Variants in CDK5R1 observed in about 807,000 individuals in gnomAD.
The protein encoded by CDK5R1 is cyclin dependent kinase 5 regulatory subunit 1, also known as cyclin-dependent kinase 5 activator 1.
In CDK5R1, 1 loss-of-function variant was observed where a neutral mutation model predicts 19.0. The observed-to-expected ratio is 0.05, with a 90% CI of 0.02 to 0.25. The LOEUF is 0.25. CDK5R1 is among the 10% of genes least tolerant of loss of function. The pLI is 1.00. For synonymous variants in CDK5R1, 225 were observed against 187.7 expected, an observed-to-expected ratio of 1.20 and a Z score of -1.62; for missense variants, 314 against 401.0, an observed-to-expected ratio of 0.78 and a Z score of 1.85.
In CDK5R1 at chr17:32,487,907, C is replaced by T. The variant is rs1046388776; in HGVS notation, c.287C>T (p.Ser96Phe). ...AAGTCGCTGTCGTGCGCCAACCTGTCCACATTCGCCCAGCCCCCACCGGCC... is the reference window on the plus strand; with the variant it reads ...AAGTCGCTGTCGTGCGCCAACCTGTTCACATTCGCCCAGCCCCCACCGGCC... ...LKKSLSCANL[S>F]TFAQPPPAQP... is the part of the protein sequence containing the mutation. Residue 96 changes from serine to phenylalanine, a missense_variant, in exon 2 of 2, where the codon TCC becomes TTC. Physicochemically the swap from Ser to Phe is radical, Grantham distance 155. Transcript: ENST00000313401. This position sits in a 1 kb window ranked among gnomAD's most constrained non-coding sequence, Gnocchi z 7.9. 1 of 1,613,690 alleles carries T rather than the reference C, an allele frequency of 6.2e-7. No individual in the cohort carries two copies.
Position 32,488,634 on chromosome 17 carries a change from A to T in CDK5R1, c.*90A>T. On this transcript the variant is annotated 3_prime_UTR_variant, in exon 2 of 2. Transcript: ENST00000313401. ...TTTTGTGTACAGTATGTGTCTAGCA[A>T]AGCCACCAAGGGCCTCACCTTTCCC... 6.4e-7 allele frequency: 1 copy of T among 1,567,516 alleles called. No individual in the cohort carries two copies. The highest frequency in any genetic ancestry group is 8.6e-7 in the Non-Finnish European group (1 of 1,156,738).
rs1908800849 is a variant in CDK5R1 at position 32,489,606 on chromosome 17, AGAC to A, written c.*1063_*1065del. ...AAGCCTTGCCCAGCAAGGACCAGTGAGACAGCCGGATCTTGGAGACAATTACAA... is the reference window on the plus strand; with the variant it reads ...AAGCCTTGCCCAGCAAGGACCAGTGAAGCCGGATCTTGGAGACAATTACAA... On this transcript the variant is annotated 3_prime_UTR_variant, in exon 2 of 2. Transcript: ENST00000313401. 1 of 175,336 alleles carries A rather than the reference AGAC, an allele frequency of 5.7e-6. No homozygotes were observed. The highest frequency in any genetic ancestry group is 6.3e-5 in the Admixed American group (1 of 15,920). 10.9% of individuals were successfully genotyped at this position (175,336 alleles called of 1,614,324 possible).
chr17:32,487,944 A>T lies in CDK5R1; in HGVS notation c.324A>T (p.Ala108=), dbSNP rs201546266. The T allele has an allele frequency of 6.2e-7, 1 of 1,613,046 alleles. No individual in the cohort carries two copies. The highest frequency in any genetic ancestry group is 1.7e-5 in the Admixed American group (1 of 59,994). The stretch of plus-strand genomic sequence containing the variant: ...AGCCCCCACCGGCCCAGCCGCCTGC[A>T]CCCCCGGCCAGCCAGCTCTCGGGTT... ...FAQPPPAQPP[A]PPASQLSGSQ... Residue 108 remains alanine, a synonymous_variant, in exon 2 of 2, where the codon GCA becomes GCT. Transcript: ENST00000313401. This position sits in a 1 kb window ranked among gnomAD's most constrained non-coding sequence, Gnocchi z 7.9.
At position 32,487,505 on chromosome 17, in the gene CDK5R1, G is replaced by A; in HGVS notation, c.-116G>A. The A allele has an allele frequency of 1.4e-6, 1 of 723,298 alleles. No homozygotes were observed. Among genetic ancestry groups the A allele is most frequent in the South Asian group, 1.9e-5 (1 of 53,778 alleles). The allele number at this position is 723,298 out of a possible 1,614,324, so 44.8% of individuals were successfully genotyped here. A position where few individuals can be genotyped will look rare whatever the true frequency, so the allele number is the denominator to read the frequency against. On this transcript the variant is annotated 5_prime_UTR_variant, in exon 2 of 2. Coordinates refer to ENST00000313401, the MANE Select transcript of CDK5R1 (RefSeq NM_003885.3). The surrounding 1 kb of genome is among the most constrained non-coding windows in gnomAD (Gnocchi z 7.9). ...ATCCAAGGGGGCAGCACGCTTCCCG[G>A]GAGCGCCCCCGCCTCCTCTCCGGGG...
rs1191575303 is a variant in CDK5R1 at position 32,488,152 on chromosome 17, C to T, written c.532C>T (p.Leu178=). Residue 178 remains leucine, a synonymous_variant, in exon 2 of 2, where the codon CTG becomes TTG. Transcript: ENST00000313401. ...HLSPTDPVLW[L]RSVDRSLLLQ... is the part of the protein sequence containing the mutation. Reference sequence around the variant, plus strand: ...GTCCCCCACGGACCCCGTGCTCTGGCTGCGCAGCGTGGACCGCTCGCTGCT... The same window carrying T: ...GTCCCCCACGGACCCCGTGCTCTGGTTGCGCAGCGTGGACCGCTCGCTGCT... 6.2e-7 allele frequency: 1 copy of T among 1,613,720 alleles called. No homozygotes were observed. Among genetic ancestry groups the T allele is most frequent in the Non-Finnish European group, 8.5e-7 (1 of 1,180,028 alleles).
rs1908768495 is a variant in CDK5R1, at chr17:32,488,743, G to T, written c.*199G>T. The T allele has an allele frequency of 1.2e-5, 12 of 1,002,382 alleles. No individual in the cohort carries two copies. The South Asian group carries it at 1.9e-4, about 16-fold the overall frequency. The allele number at this position is 1,002,382 out of a possible 1,614,324, so 62.1% of individuals were successfully genotyped here. ...CACGAGCCTTGCGCAAAACCCAGAA[G>T]ATGTATTCAGAGCCACCCAGGCCAC... On this transcript the variant is annotated 3_prime_UTR_variant, in exon 2 of 2. Transcript: ENST00000313401.
Position 32,488,782 on chromosome 17 carries a change from T to C in CDK5R1, c.*238T>C. Reference sequence around the variant, plus strand: ...CACCCAGGCCACTGACCTCCCACTTTGGGGAACTCAAAGGACTGACCTGCC... The same window carrying C: ...CACCCAGGCCACTGACCTCCCACTTCGGGGAACTCAAAGGACTGACCTGCC... On this transcript the variant is annotated 3_prime_UTR_variant, in exon 2 of 2. Transcript: ENST00000313401. 1 of 681,758 alleles carries C rather than the reference T, an allele frequency of 1.5e-6. No individual in the cohort carries two copies. Among genetic ancestry groups the C allele is most frequent in the Non-Finnish European group, 2.4e-6 (1 of 417,120 alleles). 42.2% of individuals were successfully genotyped at this position (681,758 alleles called of 1,614,324 possible).
At position 32,487,473 on chromosome 17, in the gene CDK5R1, C is replaced by T. The variant is rs143840057; in HGVS notation, c.-145-3C>T. On this transcript the variant is annotated splice_polypyrimidine_tract_variant and splice_region_variant and intron_variant, in intron 1 of 1. Coordinates refer to ENST00000313401, the MANE Select transcript of CDK5R1 (RefSeq NM_003885.3). This position sits in a 1 kb window ranked among gnomAD's most constrained non-coding sequence, Gnocchi z 7.9. ...TGGCGCTAAGAACCATCTTGTTTTC[C>T]AGGCAGATCCAAGGGGGCAGCACGC... The T allele has an allele frequency of 1.0e-3, 607 of 589,698 alleles. 6 individuals are homozygous for T. The African/African-American group carries it at 0.011, about 11-fold the overall frequency. 36.5% of individuals were successfully genotyped at this position (589,698 alleles called of 1,614,324 possible). A position where few individuals can be genotyped will look rare whatever the true frequency, so the allele number is the denominator to read the frequency against.
At position 32,487,565 on chromosome 17, in the gene CDK5R1, G is replaced by C; in HGVS notation, c.-56G>C. The C allele has an allele frequency of 6.8e-7, 1 of 1,479,398 alleles. No homozygotes were observed. Among genetic ancestry groups the C allele is most frequent in the Non-Finnish European group, 9.2e-7 (1 of 1,087,714 alleles). The allele number at this position is 1,479,398 out of a possible 1,614,324, so 91.6% of individuals were successfully genotyped here. On this transcript the variant is annotated 5_prime_UTR_variant, in exon 2 of 2. Transcript: ENST00000313401. This position sits in a 1 kb window ranked among gnomAD's most constrained non-coding sequence, Gnocchi z 7.9. Reference sequence around the variant, plus strand: ...GCTCGGTGAGCGGTTTTATCCCTCCGGCCGGCAGGCTGGGCGCGCAGGGGC... The same window carrying C: ...GCTCGGTGAGCGGTTTTATCCCTCCCGCCGGCAGGCTGGGCGCGCAGGGGC...
Position 32,488,139 on chromosome 17 carries a change from C to T in CDK5R1, c.519C>T (p.Asp173=). ...CYRLKHLSPT[D]PVLWLRSVDR... is the part of the protein sequence containing the mutation. ...GCCTGAAGCACCTGTCCCCCACGGA[C>T]CCCGTGCTCTGGCTGCGCAGCGTGG... Residue 173 remains aspartate (D), a synonymous_variant, in exon 2 of 2, where the codon GAC becomes GAT. Coordinates refer to ENST00000313401, the MANE Select transcript of CDK5R1 (RefSeq NM_003885.3). The T allele has an allele frequency of 6.2e-7, 1 of 1,613,580 alleles. No homozygotes were observed. The highest frequency in any genetic ancestry group is 8.5e-7 in the Non-Finnish European group (1 of 1,179,982).
Position 32,488,025 on chromosome 17 carries a change from C to T in CDK5R1, c.405C>T (p.Ser135=), listed in dbSNP as rs1908739855. Residue 135 remains serine, a synonymous_variant, in exon 2 of 2, where the codon TCC becomes TCT. Transcript: ENST00000313401. The part of the protein sequence containing the change: ...VKKAPHPAVT[S]AGTPKRVIVQ... Reference sequence around the variant, plus strand: ...AAGCCCCTCACCCTGCCGTCACCTCCGCAGGGACGCCCAAACGGGTCATCG... The same window carrying T: ...AAGCCCCTCACCCTGCCGTCACCTCTGCAGGGACGCCCAAACGGGTCATCG... The T allele has an allele frequency of 6.2e-7, 1 of 1,612,770 alleles. No homozygotes were observed. The highest frequency in any genetic ancestry group is 8.5e-7 in the Non-Finnish European group (1 of 1,179,476).
In CDK5R1 at chr17:32,489,340, T is replaced by G. The variant is rs569151995; in HGVS notation, c.*796T>G. On this transcript the variant is annotated 3_prime_UTR_variant, in exon 2 of 2. Coordinates refer to ENST00000313401, the MANE Select transcript of CDK5R1 (RefSeq NM_003885.3). Reference sequence around the variant, plus strand: ...TGAGTTTTTCTTTTGAATAATGTAGTGCAGTCACCCTGTGGCAAATGCCAG... The same window carrying G: ...TGAGTTTTTCTTTTGAATAATGTAGGGCAGTCACCCTGTGGCAAATGCCAG... The G allele has an allele frequency of 2.1e-6, 1 of 466,532 alleles. No individual in the cohort carries two copies. Among genetic ancestry groups the G allele is most frequent in the South Asian group, 1.6e-5 (1 of 64,436 alleles). The allele number at this position is 466,532 out of a possible 1,614,324, so 28.9% of individuals were successfully genotyped here. A position where few individuals can be genotyped will look rare whatever the true frequency, so the allele number is the denominator to read the frequency against.
Position 32,488,746 on chromosome 17 carries a change from G to A in CDK5R1, c.*202G>A. 1.0e-6 allele frequency: 1 copy of A among 984,748 alleles called. No individual in the cohort carries two copies. Among genetic ancestry groups the A allele is most frequent in the Non-Finnish European group, 1.5e-6 (1 of 665,970 alleles). The allele number at this position is 984,748 out of a possible 1,614,324, so 61.0% of individuals were successfully genotyped here. ...GAGCCTTGCGCAAAACCCAGAAGATGTATTCAGAGCCACCCAGGCCACTGA... is the reference window on the plus strand; with the variant it reads ...GAGCCTTGCGCAAAACCCAGAAGATATATTCAGAGCCACCCAGGCCACTGA... On this transcript the variant is annotated 3_prime_UTR_variant, in exon 2 of 2. Transcript: ENST00000313401.
rs952292013 is a variant in CDK5R1, at chr17:32,487,141, C to T, written c.-167C>T. The T allele has an allele frequency of 2.0e-5, 3 of 146,684 alleles. No homozygotes were observed. Among genetic ancestry groups the T allele is most frequent in the Non-Finnish European group, 4.5e-5 (3 of 65,940 alleles). The allele number at this position is 146,684 out of a possible 1,614,324, so 9.1% of individuals were successfully genotyped here. On this transcript the variant is annotated 5_prime_UTR_variant, in exon 1 of 2. Transcript: ENST00000313401. This position sits in a 1 kb window ranked among gnomAD's most constrained non-coding sequence, Gnocchi z 7.9. Reference sequence around the variant, plus strand: ...GGCGCGCATTGCGGAGGGCGCGGAGCGCAGGAGCTGCCGCCTGCCGGGTAA... The same window carrying T: ...GGCGCGCATTGCGGAGGGCGCGGAGTGCAGGAGCTGCCGCCTGCCGGGTAA...
Position 32,488,026 on chromosome 17 carries a change from G to A in CDK5R1, c.406G>A (p.Ala136Thr). ...AGCCCCTCACCCTGCCGTCACCTCC[G>A]CAGGGACGCCCAAACGGGTCATCGT... ...KKAPHPAVTS[A>T]GTPKRVIVQA... Residue 136 changes from alanine (A) to threonine (T), a missense_variant, in exon 2 of 2, where the codon GCA becomes ACA. Ala to Thr is a moderately conservative substitution (Grantham distance 58, BLOSUM62 0). This residue lies in a region of CDK5R1 where 197 missense variants were observed against 230.2 expected (regional missense o/e 0.86). Coordinates refer to ENST00000313401, the MANE Select transcript of CDK5R1 (RefSeq NM_003885.3). 3.1e-6 allele frequency: 5 copies of A among 1,612,680 alleles called. No individual in the cohort carries two copies. The highest frequency in any genetic ancestry group is 4.2e-6 in the Non-Finnish European group (5 of 1,179,446).
In CDK5R1 at chr17:32,488,021, C is replaced by G. The variant is rs766785055; in HGVS notation, c.401C>G (p.Thr134Ser). The G allele has an allele frequency of 6.2e-7, 1 of 1,612,948 alleles. No homozygotes were observed. Residue 134 changes from threonine to serine, a missense_variant, in exon 2 of 2, where the codon ACC becomes AGC. Coordinates refer to ENST00000313401, the MANE Select transcript of CDK5R1 (RefSeq NM_003885.3). ...SVKKAPHPAVTSAGTPKRVIV... is the reference protein window; with the variant it reads ...SVKKAPHPAVSSAGTPKRVIV... ...AAGAAAGCCCCTCACCCTGCCGTCA[C>G]CTCCGCAGGGACGCCCAAACGGGTC...
In CDK5R1 at chr17:32,488,320, T is replaced by C; in HGVS notation, c.700T>C (p.Tyr234His). ...AVLLTCLYLSYSYMGNEISYP... is the reference protein window; with the variant it reads ...AVLLTCLYLSHSYMGNEISYP... ...CCTGCTGACATGCCTGTACCTCTCC[T>C]ACTCCTACATGGGCAACGAGATCTC... is the stretch of plus-strand genomic sequence containing the variant. The change falls in exon 2 of 2, where the codon TAC becomes CAC. Residue 234 changes from tyrosine (Y) to histidine (H), a missense_variant. Transcript: ENST00000313401. 6.2e-7 allele frequency: 1 copy of C among 1,614,136 alleles called. No homozygotes were observed. Among genetic ancestry groups the C allele is most frequent in the Non-Finnish European group, 8.5e-7 (1 of 1,180,046 alleles).
Position 32,488,913 on chromosome 17 carries a change from G to C in CDK5R1, c.*369G>C. ...GGCTGCCTGGCCCAGGGAGGAATTG[G>C]GGTTTCTGGTTGGAGGCCCTTTTCT... is the stretch of plus-strand genomic sequence containing the variant. On this transcript the variant is annotated 3_prime_UTR_variant, in exon 2 of 2. Transcript: ENST00000313401. 2.6e-6 allele frequency: 1 copy of C among 378,586 alleles called. No individual in the cohort carries two copies. Among genetic ancestry groups the C allele is most frequent in the Non-Finnish European group, 5.3e-6 (1 of 188,020 alleles). The allele number at this position is 378,586 out of a possible 1,614,324, so 23.5% of individuals were successfully genotyped here. A position where few individuals can be genotyped will look rare whatever the true frequency, so the allele number is the denominator to read the frequency against.
Position 32,487,970 on chromosome 17 carries a change from C to T in CDK5R1, c.350C>T (p.Ser117Phe). ...CCCCCGGCCAGCCAGCTCTCGGGTT[C>T]CCAGACCGGGGGCTCCTCCTCAGTC... ...PAPPASQLSG[S>F]QTGGSSSVKK... The change falls in exon 2 of 2, where the codon TCC becomes TTC. Residue 117 changes from serine to phenylalanine, a missense_variant. Around this residue, in one of 3 missense-constraint regions of CDK5R1, gnomAD observed 197 missense variants for 230.2 expected, o/e 0.86. Transcript: ENST00000313401. The surrounding 1 kb of genome is among the most constrained non-coding windows in gnomAD (Gnocchi z 7.9). 6.2e-7 allele frequency: 1 copy of T among 1,613,276 alleles called. No individual in the cohort carries two copies. The highest frequency in any genetic ancestry group is 8.5e-7 in the Non-Finnish European group (1 of 1,179,922).
Sources: allele counts gnomAD v4.1 joint callset, GRCh38; gene constraint gnomAD v4.1.1; regional missense constraint gnomAD v4.1.1; non-coding constraint Gnocchi (gnomAD v3.1); transcripts MANE v1.5; gene names NCBI Gene and HGNC (gene_info 2026-07-23, HGNC 2026-07-21).